The following MYH6 variants were observed in gnomAD, a reference collection of about 807,000 sequenced individuals.
The protein encoded by MYH6 is myosin heavy chain 6.
In MYH6, 126 loss-of-function variants were observed where a neutral mutation model predicts 223.2. The observed-to-expected ratio is 0.56, with a 90% CI of 0.49 to 0.65. The LOEUF (loss-of-function observed/expected upper bound fraction) is 0.65. Among genes scored for constraint, MYH6 ranks in the 30% least tolerant of loss-of-function variants. MYH6 has a pLI of 0.00. For missense variants in MYH6, 2,040 were observed against 2,536.4 expected (o/e 0.80, Z 4.20); for synonymous variants, 978 against 1,010.2 (o/e 0.97, Z 0.61).
chr14:23,398,853 T>C lies in MYH6; in HGVS notation c.1766A>G (p.Tyr589Cys). ...TTTTTCCAGCCAGCCCAGGATGTTG[T>C]AGTCCACAGTGCCGGCGTAGTGGAT... ...SLIHYAGTVD[Y>C]NILGWLEKNK... The change falls in exon 15 of 39, where the codon TAC (tyrosine) becomes TGC (cysteine). Residue 589 changes from tyrosine to cysteine, a missense_variant. Physicochemically the swap from Tyr to Cys is radical, Grantham distance 194. Coordinates refer to ENST00000405093, the MANE Select transcript of MYH6 (RefSeq NM_002471.4). 6.2e-7 allele frequency: 1 copy of C among 1,614,196 alleles called. No individual in the cohort carries two copies. Among genetic ancestry groups the C allele is most frequent in the Non-Finnish European group, 8.5e-7 (1 of 1,180,030 alleles).
intron 14 of MYH6, 29 bp from the exon 15 acceptor site, chr14:23,399,066 G>A (rs1176556767): frequency 7.4e-6 from 12 of 1,612,130 alleles, no homozygotes; most frequent in Non-Finnish European, 1.0e-5. Flanking sequence ...GGCAAAGAGA[G>A]AATCACTGAG....
chr14:23,397,125 G>A (rs1226771824), intron 17 of MYH6, 45 bp from the exon 18 acceptor site: 1 of 1,614,214 alleles, frequency 6.2e-7, no homozygotes, highest in Admixed American at 1.7e-5. Context: ...AGGGTAAAGT[G>A]GATGCCAGCT....
chr14:23,390,701 G>A (rs1352316550), intron 25 of MYH6, among the ~76,000 whole-genome samples: 1 of 152,060 alleles, frequency 6.6e-6, no homozygotes, highest in Non-Finnish European at 1.5e-5. Flanking sequence ...TAGGAATTTG[G>A]CTGAAGCTCC....
chr14:23,396,989 G>C lies in MYH6; in HGVS notation c.2142C>G (p.Arg714=). 6.2e-7 allele frequency: 1 copy of C among 1,613,436 alleles called. No individual in the cohort carries two copies. The highest frequency in any genetic ancestry group is 8.5e-7 in the Non-Finnish European group (1 of 1,180,048). ...IRICRKGFPN[R]ILYGDFRQRY... is the part of the protein sequence containing the mutation. ...TCTGCCGGAAGTCCCCGTAGAGGAT[G>C]CGGTTGGGGAAGCCCTTCCTGCAGA... The change falls in exon 18 of 39, where the codon CGC becomes CGG. Residue 714 remains arginine (R), a synonymous_variant. Coordinates refer to ENST00000405093, the MANE Select transcript of MYH6 (RefSeq NM_002471.4).
At chr14:23,404,414 G>A (rs754221570) in intron 7 of MYH6, 26 bp from the exon 8 acceptor site, 4 of 1,611,766 alleles carry the variant, frequency 2.5e-6, no homozygotes, top group Non-Finnish European at 3.4e-6. Context: ...AACTGCATGG[G>A]TTCATCCTCC....
In MYH6 at chr14:23,405,817, G is replaced by A. The variant is rs77135504; in HGVS notation, c.202-47C>T. On this transcript the variant is annotated intron_variant, in intron 3 of 38. Coordinates refer to ENST00000405093, the MANE Select transcript of MYH6 (RefSeq NM_002471.4). This position sits in a 1 kb window ranked among gnomAD's most constrained non-coding sequence, Gnocchi z 4.7. ...GAGGATGAGTGACCACAATCCCTCC[G>A]GGACCCTTGCCAGCACTGCCCACTG... The A allele has an allele frequency of 5.8e-3, 9,373 of 1,613,380 alleles. 449 individuals carry two copies. The African/African-American group carries it at 0.1, about 18-fold the overall frequency.
rs1595059237 is a variant in MYH6 at position 23,397,409 on chromosome 14, A to G, written c.1962+134T>C. 3.1e-6 allele frequency: 4 copies of G among 1,280,964 alleles called. No individual in the cohort carries two copies. The African/African-American group carries it at 4.4e-5, about 14-fold the overall frequency. The allele number at this position is 1,280,964 out of a possible 1,614,324, so 79.3% of individuals were successfully genotyped here. On this transcript the variant is annotated intron_variant, in intron 16 of 38. Transcript: ENST00000405093. ...GTGAGTTCAGGCTTTTGTGGAATCT[A>G]CACACTAAAAAACGACTACGTAGCC...
chr14:23,401,997 A>C (rs1405372288), intron 12 of MYH6, among the ~76,000 whole-genome samples: 2 of 152,204 alleles, frequency 1.3e-5, no homozygotes, highest in Non-Finnish European at 2.9e-5. Context: ...ATTTTCTCAA[A>C]GGACCTCACA....
At position 23,398,889 on chromosome 14, in the gene MYH6, T is replaced by G. The variant is rs1891513110; in HGVS notation, c.1730A>C (p.His577Pro). Residue 577 changes from histidine to proline, a missense_variant, in exon 15 of 39, where the codon CAC becomes CCC. His to Pro is a moderately conservative substitution (Grantham distance 77). Transcript: ENST00000405093. Reference protein sequence around the residue: ...PRNIKGKQEAHFSLIHYAGTV... With the variant: ...PRNIKGKQEAPFSLIHYAGTV... ...GCCGGCGTAGTGGATCAGGGAGAAG[T>G]GGGCTTCCTGCTTCCCCTTGATGTT... The G allele has an allele frequency of 2.5e-6, 4 of 1,614,128 alleles. No homozygotes were observed. The highest frequency in any genetic ancestry group is 3.4e-6 in the Non-Finnish European group (4 of 1,180,028).
In MYH6 at chr14:23,396,889, C is replaced by T. The variant is rs536641191; in HGVS notation, c.2169-72G>A. On this transcript the variant is annotated intron_variant, in intron 18 of 38. Transcript: ENST00000405093. Reference sequence around the variant, plus strand: ...CTCTGCCCACAGAATTCCAGGGTCACCTGCAGATCCCATTCCCATCAGGGC... The same window carrying T: ...CTCTGCCCACAGAATTCCAGGGTCATCTGCAGATCCCATTCCCATCAGGGC... 15 of 1,612,660 alleles carry T rather than the reference C, an allele frequency of 9.3e-6. No individual in the cohort carries two copies. In the African/African-American group the frequency reaches 1.9e-4, roughly 20 times the overall value.
Position 23,400,477 on chromosome 14 carries a change from C to T in MYH6, c.1411-51G>A, listed in dbSNP as rs1595061527. On this transcript the variant is annotated intron_variant, in intron 13 of 38. Transcript: ENST00000405093. Reference sequence around the variant, plus strand: ...CAGTCAGAAAGTGGGTGTGAGTGGCCATTGGGGCTGTGCCCGTGCACTGTG... The same window carrying T: ...CAGTCAGAAAGTGGGTGTGAGTGGCTATTGGGGCTGTGCCCGTGCACTGTG... 10 of 1,613,452 alleles carry T rather than the reference C, an allele frequency of 6.2e-6. No homozygotes were observed. The East Asian group carries it at 1.8e-4, about 29-fold the overall frequency.
rs1891030971 is a variant in MYH6 at position 23,386,567 on chromosome 14, C to T, written c.4707G>A (p.Gln1569=). 1.2e-6 allele frequency: 2 copies of T among 1,603,696 alleles called. No individual in the cohort carries two copies. The highest frequency in any genetic ancestry group is 1.7e-6 in the Non-Finnish European group (2 of 1,173,886). ...KILRAQLEFN[Q]IKAEIERKLA... ...GCTTCCGCTCGATCTCTGCCTTGAT[C>T]TGGTTGAACTCTAGCTGGGCCCGGA... Residue 1569 remains glutamine, a synonymous_variant, in exon 33 of 39, where the codon CAG becomes CAA. Coordinates refer to ENST00000405093, the MANE Select transcript of MYH6 (RefSeq NM_002471.4).
chr14:23,403,198 A>T (rs1891663373), intron 10 of MYH6, 150 bp downstream of exon 10: 1 of 765,704 alleles, frequency 1.3e-6, no homozygotes, highest in Admixed American at 1.7e-5. Flanking sequence ...GAGGGAAGCG[A>T]GAGGGAGCTG....
rs2138591175 is a variant in MYH6 at position 23,389,411 on chromosome 14, C to T, written c.3960G>A (p.Gln1320=). Residue 1320 remains glutamine, a synonymous_variant, in exon 28 of 39, where the codon CAG becomes CAA. Coordinates refer to ENST00000405093, the MANE Select transcript of MYH6 (RefSeq NM_002471.4). ...GCCTCACCTTGCCCTCCTCCTCCAG[C>T]TGCCTTTTGAGGTCCTCCATTTGCT... ...YTQQMEDLKR[Q]LEEEGKAKNA... is the part of the protein sequence containing the mutation. The T allele has an allele frequency of 1.2e-6, 2 of 1,614,222 alleles. No homozygotes were observed. Among genetic ancestry groups the T allele is most frequent in the East Asian group, 2.2e-5 (1 of 44,880 alleles).
chr14:23,401,715 TCCATC>T (rs1425684239), intron 12 of MYH6, among the ~76,000 whole-genome samples: 1 of 152,220 alleles, frequency 6.6e-6, no homozygotes, highest in Non-Finnish European at 1.5e-5. Flanking sequence ...TGCTGTCTTC[TCCATC>T]CACATGTTAC....
chr14:23,390,871 T>C (rs1312739877), intron 25 of MYH6, among the ~76,000 whole-genome samples: 2 of 152,218 alleles, frequency 1.3e-5, no homozygotes, highest in Admixed American at 1.3e-4. Context: ...TGAGTGCTTG[T>C]ATTTTACAAA....
At chr14:23,404,929 C>A in intron 6 of MYH6, 107 bp from the exon 7 acceptor site, 1 of 1,482,094 alleles carries the variant, frequency 6.7e-7, no homozygotes, top group Non-Finnish European at 9.4e-7. Flanking sequence ...GCCCAGCACC[C>A]AGCAGGATTT....
chr14:23,407,341 A>C lies in MYH6; in HGVS notation c.-13-105T>G. ...CTCCCTACCCCCGCTCCTCTCCTCC[A>C]CCCTGGGAGAGGCACCTGCTGTTGC... On this transcript the variant is annotated intron_variant, in intron 2 of 38. Coordinates refer to ENST00000405093, the MANE Select transcript of MYH6 (RefSeq NM_002471.4). The surrounding 1 kb of genome is among the most constrained non-coding windows in gnomAD (Gnocchi z 5.6). 1 of 1,338,088 alleles carries C rather than the reference A, an allele frequency of 7.5e-7. No individual in the cohort carries two copies. Among genetic ancestry groups the C allele is most frequent in the Non-Finnish European group, 1.0e-6 (1 of 956,172 alleles). 82.9% of individuals were successfully genotyped at this position (1,338,088 alleles called of 1,614,324 possible).
Position 23,402,406 on chromosome 14 carries a change from G to A in MYH6, c.1141+58C>T, listed in dbSNP as rs141917080. ...TCAGAGTCTCTGGGATCTGAGTCCC[G>A]CAGAGAGCCTGGTCAGCACCTCAGG... is the stretch of plus-strand genomic sequence containing the variant. On this transcript the variant is annotated intron_variant, in intron 12 of 38. Transcript: ENST00000405093. The A allele has an allele frequency of 1.4e-5, 22 of 1,606,778 alleles. 1 individual carries two copies. Among genetic ancestry groups the A allele is most frequent in the East Asian group, 1.3e-4 (6 of 44,836 alleles).
Sources: allele counts gnomAD v4.1 joint callset (sites outside exome capture counted in the v4.1 genomes callset), GRCh38; gene constraint gnomAD v4.1.1; non-coding constraint Gnocchi (gnomAD v3.1); transcripts MANE v1.5; gene names NCBI Gene and HGNC (gene_info 2026-07-23, HGNC 2026-07-21).